The following LTBP3 variants were observed in gnomAD, a reference collection of about 807,000 sequenced individuals.
LTBP3 encodes the protein latent-transforming growth factor beta-binding protein 3.
LTBP3 carries 97 observed loss-of-function variants against 159.7 expected under a neutral mutation model. The ratio of observed to expected loss-of-function variants is 0.61; its 90% confidence interval spans 0.52 to 0.72. The LOEUF (loss-of-function observed/expected upper bound fraction) is 0.72. LTBP3 is among the 30% of genes least tolerant of loss of function. The probability of loss-of-function intolerance (pLI) is 0.00; values close to 1 mark genes in which losing one functional copy is unlikely to be tolerated. For synonymous variants in LTBP3, 824 were observed against 777.1 expected, an observed-to-expected ratio of 1.06 and a Z score of -1.00; for missense variants, 1,584 against 1,864.3, an observed-to-expected ratio of 0.85 and a Z score of 2.77.
chr11:65,539,595 T>C lies in LTBP3; in HGVS notation c.3581A>G (p.Asn1194Ser). Reference protein sequence around the residue: ...SHCPTSQSESNSFWDTSPLLL... With the variant: ...SHCPTSQSESSSFWDTSPLLL... ...CAGGGGGCTTGTGTCCCAGAAGGAA[T>C]TGCTCTCGCTCTGCGATGTCGGGCA... The change falls in exon 26 of 28, where the codon AAT becomes AGT. Residue 1194 changes from asparagine (N) to serine (S), a missense_variant. Around this residue, in one of 6 missense-constraint regions of LTBP3, gnomAD observed 514 missense variants for 530.3 expected, o/e 0.97. Coordinates refer to ENST00000301873, the MANE Select transcript of LTBP3 (RefSeq NM_001130144.3). 1 of 1,612,730 alleles carries C rather than the reference T, an allele frequency of 6.2e-7. No individual in the cohort carries two copies.
Position 65,547,955 on chromosome 11 carries a change from C to T in LTBP3, c.1811G>A (p.Gly604Asp). Residue 604 changes from glycine to aspartate, a missense_variant, in exon 12 of 28, where the codon GGC becomes GAC. Around this residue, in one of 6 missense-constraint regions of LTBP3, gnomAD observed 565 missense variants for 677.7 expected, o/e 0.83. Coordinates refer to ENST00000301873, the MANE Select transcript of LTBP3 (RefSeq NM_001130144.3). This position sits in a 1 kb window ranked among gnomAD's most constrained non-coding sequence, Gnocchi z 4.6. The stretch of plus-strand genomic sequence containing the variant: ...GCGGTGCTGGGGATGTGACCGGTAG[C>T]CGGGGTTGCAGTGGCAGGAGTAGTC... Reference protein sequence around the residue: ...PPDYSCHCNPGYRSHPQHRYC... With the variant: ...PPDYSCHCNPDYRSHPQHRYC... 1 of 1,613,958 alleles carries T rather than the reference C, an allele frequency of 6.2e-7. No homozygotes were observed. The highest frequency in any genetic ancestry group is 1.7e-5 in the Admixed American group (1 of 60,030).
In LTBP3 at chr11:65,546,798, C is replaced by A; in HGVS notation, c.2230G>T (p.Asp744Tyr). The A allele has an allele frequency of 1.2e-6, 2 of 1,602,798 alleles. No individual in the cohort carries two copies. The highest frequency in any genetic ancestry group is 1.3e-5 in the African/African-American group (1 of 75,022). ...ACTCGGCTCCGGGCCCCGCCCTCAC[C>A]GCGACAGGCCCCGCCCCCCTGGCTG... is the stretch of plus-strand genomic sequence containing the variant. The part of the protein sequence containing the change: ...YRSQGGGACR[D>Y]VNECAEGSPC... Residue 744 changes from aspartate (D) to tyrosine (Y), a missense_variant and splice_region_variant, in exon 15 of 28, where the codon GAC (aspartate) becomes TAC (tyrosine). Asp to Tyr is a radical substitution (Grantham distance 160). Around this residue, in one of 6 missense-constraint regions of LTBP3, gnomAD observed 565 missense variants for 677.7 expected, o/e 0.83. Transcript: ENST00000301873. The surrounding 1 kb of genome is among the most constrained non-coding windows in gnomAD (Gnocchi z 4.0).
Position 65,539,750 on chromosome 11 carries a change from G to A in LTBP3, c.3517C>T (p.Gln1173Ter). The A allele has an allele frequency of 1.9e-6, 3 of 1,545,710 alleles. No homozygotes were observed. Among genetic ancestry groups the A allele is most frequent in the Non-Finnish European group, 2.6e-6 (3 of 1,152,830 alleles). ...CCRQGRGWGA[Q>*]CRPCPPRGAG... Reference sequence around the variant, plus strand: ...CCGCGCGGCGGGCACGGTCGGCATTGGGCGCCCCAGCCGCGGCCCTGGCGG... The same window carrying A: ...CCGCGCGGCGGGCACGGTCGGCATTAGGCGCCCCAGCCGCGGCCCTGGCGG... The change falls in exon 25 of 28, where the codon CAA (glutamine) becomes TAA (stop). Residue 1173 changes from glutamine to a stop codon, truncating the protein, a stop_gained. Transcript: ENST00000301873. LOFTEE classifies it high-confidence loss of function.
Position 65,543,409 on chromosome 11 carries a change from AGCTC to A in LTBP3, c.2476+14_2476+17del. 4.3e-6 allele frequency: 7 copies of A among 1,613,792 alleles called. No individual in the cohort carries two copies. The highest frequency in any genetic ancestry group is 5.9e-6 in the Non-Finnish European group (7 of 1,179,930). On this transcript the variant is annotated intron_variant, in intron 17 of 27. Coordinates refer to ENST00000301873, the MANE Select transcript of LTBP3 (RefSeq NM_001130144.3). ...GTAGGGAGGGACAGGTCAGCACCCC[AGCTC>A]TAAGATCCCTCACCCTCGCAGTGGC...
At chr11:65,550,051 G>A (rs891341279) in intron 11 of LTBP3, among the ~76,000 whole-genome samples, 2 of 152,152 alleles carry the variant, frequency 1.3e-5, no homozygotes, top group East Asian at 1.9e-4. Flanking sequence ...TCCTGTCCTC[G>A]CAGAGCAGAC....
Position 65,553,210 on chromosome 11 carries a change from A to C in LTBP3, c.1017T>G (p.Ala339=). The change falls in exon 5 of 28, where the codon GCT becomes GCG. Residue 339 remains alanine (A), a synonymous_variant. Transcript: ENST00000301873. The surrounding 1 kb of genome is among the most constrained non-coding windows in gnomAD (Gnocchi z 6.5). The part of the protein sequence containing the change: ...KPGPVRGEVG[A]DCPQGYKRLN... ...GCCTCTTGTAGCCCTGGGGACAGTC[A>C]GCGCCCACTTCCCCACGTACAGGCC... 1 of 1,614,130 alleles carries C rather than the reference A, an allele frequency of 6.2e-7. No individual in the cohort carries two copies.
At chr11:65,539,689 C>T in intron 25 of LTBP3, 31 bp downstream of exon 25, 1 of 1,571,592 alleles carries the variant, frequency 6.4e-7, no homozygotes, top group East Asian at 2.4e-5. Context: ...CCCATCCTCG[C>T]TCCCGGCCAA....
Position 65,540,489 on chromosome 11 carries a change from C to G in LTBP3, c.3103G>C (p.Val1035Leu), listed in dbSNP as rs200797100. ...FYYDGNLLEC[V>L]DVDECLDESN... The stretch of plus-strand genomic sequence containing the variant: ...GCCGCCGGGGGGCGGAGCTCACCCA[C>G]GCATTCCAGCAGGTTCCCGTCGTAG... Residue 1035 changes from valine (V) to leucine (L), a missense_variant, in exon 22 of 28, where the codon GTG becomes CTG. Val to Leu is a conservative substitution (Grantham distance 32, BLOSUM62 1). Around this residue, in one of 6 missense-constraint regions of LTBP3, gnomAD observed 514 missense variants for 530.3 expected, o/e 0.97. Coordinates refer to ENST00000301873, the MANE Select transcript of LTBP3 (RefSeq NM_001130144.3). 1.3e-5 allele frequency: 21 copies of G among 1,613,388 alleles called. No homozygotes were observed. The highest frequency in any genetic ancestry group is 1.5e-5 in the Non-Finnish European group (18 of 1,179,866).
At chr11:65,541,757 A>G (rs1263174443) in intron 18 of LTBP3, 29 bp from the exon 19 acceptor site, 1 of 1,613,126 alleles carries the variant, frequency 6.2e-7, no homozygotes, top group Non-Finnish European at 8.5e-7. Flanking sequence ...GCAGCTGGAA[A>G]CCCAGCCCCT....
Position 65,553,044 on chromosome 11 carries a change from C to T in LTBP3, c.1064-62G>A. 2.5e-6 allele frequency: 4 copies of T among 1,612,994 alleles called. No homozygotes were observed. Among genetic ancestry groups the T allele is most frequent in the Non-Finnish European group, 3.4e-6 (4 of 1,179,184 alleles). On this transcript the variant is annotated intron_variant, in intron 5 of 27. Transcript: ENST00000301873. This position sits in a 1 kb window ranked among gnomAD's most constrained non-coding sequence, Gnocchi z 6.5. ...GCCATGGGGTGACAGCAGGCTGCTCCAAGAACCTCAGGGTCTTGCCCCAGC... is the reference window on the plus strand; with the variant it reads ...GCCATGGGGTGACAGCAGGCTGCTCTAAGAACCTCAGGGTCTTGCCCCAGC...
At position 65,540,612 on chromosome 11, in the gene LTBP3, TG is replaced by T; in HGVS notation, c.2979del (p.Asp993GlufsTer19). 1.2e-6 allele frequency: 2 copies of T among 1,601,254 alleles called. No individual in the cohort carries two copies. The highest frequency in any genetic ancestry group is 1.7e-6 in the Non-Finnish European group (2 of 1,173,162). Reference protein sequence around the residue: ...IVNYGIPAHRDIDECMLFGSE... With the variant: ...IVNYGIPAHRXIDECMLFGSE... ...GACCCGAACAACATGCACTCGTCGA[TG>T]TCTGCGGGGTGACAAACACTGGCCG... On this transcript the variant is annotated frameshift_variant and splice_region_variant, in exon 22 of 28. Coordinates refer to ENST00000301873, the MANE Select transcript of LTBP3 (RefSeq NM_001130144.3). LOFTEE classifies it high-confidence loss of function.
In LTBP3 at chr11:65,551,255, C is replaced by G. The variant is rs181803423; in HGVS notation, c.1622-31G>C. The G allele has an allele frequency of 6.3e-5, 96 of 1,533,880 alleles. No individual in the cohort carries two copies. The African/African-American group carries it at 1.3e-3, about 20-fold the overall frequency. ...GGCGGCAGTGCACTCTGGTCAGAGA[C>G]GATATTGACTGAAGCCTCCCTTTCC... On this transcript the variant is annotated intron_variant, in intron 10 of 27. Coordinates refer to ENST00000301873, the MANE Select transcript of LTBP3 (RefSeq NM_001130144.3).
In LTBP3 at chr11:65,552,013, G is replaced by A. The variant is rs1365915737; in HGVS notation, c.1490C>T (p.Pro497Leu). The change falls in exon 8 of 28, where the codon CCT becomes CTT. Residue 497 changes from proline (P) to leucine (L), a missense_variant. By Grantham distance (98) the Pro-to-Leu change is moderately conservative. Around this residue, in one of 6 missense-constraint regions of LTBP3, gnomAD observed 565 missense variants for 677.7 expected, o/e 0.83. Coordinates refer to ENST00000301873, the MANE Select transcript of LTBP3 (RefSeq NM_001130144.3). This position sits in a 1 kb window ranked among gnomAD's most constrained non-coding sequence, Gnocchi z 6.0. ...PPKPQQLPES[P>L]SQAPPPEDTE... ...GTCCTCAGGTGGTGGAGCCTGGCTA[G>A]GGCTCTCCGGAAGCTGCTGGGGCTT... The A allele has an allele frequency of 1.2e-6, 2 of 1,613,918 alleles. No homozygotes were observed. The highest frequency in any genetic ancestry group is 2.7e-5 in the African/African-American group (2 of 74,862).
Position 65,546,426 on chromosome 11 carries a change from G to C in LTBP3, c.2353+16C>G. Reference sequence around the variant, plus strand: ...AGGGGGCGGCGGAGGCCCGGGGCGGGGGTGCTGGCGCTCACCCAAGCAACT... The same window carrying C: ...AGGGGGCGGCGGAGGCCCGGGGCGGCGGTGCTGGCGCTCACCCAAGCAACT... On this transcript the variant is annotated intron_variant, in intron 16 of 27. Coordinates refer to ENST00000301873, the MANE Select transcript of LTBP3 (RefSeq NM_001130144.3). This position sits in a 1 kb window ranked among gnomAD's most constrained non-coding sequence, Gnocchi z 4.0. 1.3e-6 allele frequency: 2 copies of C among 1,535,794 alleles called. No individual in the cohort carries two copies. The highest frequency in any genetic ancestry group is 1.7e-6 in the Non-Finnish European group (2 of 1,147,174).
chr11:65,552,449 T>C lies in LTBP3; in HGVS notation c.1187-43A>G. 1.9e-6 allele frequency: 3 copies of C among 1,605,498 alleles called. No individual in the cohort carries two copies. The highest frequency in any genetic ancestry group is 1.7e-6 in the Non-Finnish European group (2 of 1,178,626). On this transcript the variant is annotated intron_variant, in intron 6 of 27. Transcript: ENST00000301873. The surrounding 1 kb of genome is among the most constrained non-coding windows in gnomAD (Gnocchi z 6.0). ...GGGCATGGGCATCTGAGCCTGCACATTGCCCACGTCCCTCTGCCCAGCTGC... is the reference window on the plus strand; with the variant it reads ...GGGCATGGGCATCTGAGCCTGCACACTGCCCACGTCCCTCTGCCCAGCTGC...
intron 18 of LTBP3, 131 bp from the exon 19 acceptor site, chr11:65,541,859 T>TA: frequency 9.5e-7 from 1 of 1,047,210 alleles, no homozygotes; most frequent in South Asian, 1.4e-5. Context: ...GGAAGTCTGC[T>TA]GTGTCTGTGC....
Position 65,538,873 on chromosome 11 carries a change from C to T in LTBP3, c.*207G>A. 1 of 963,898 alleles carries T rather than the reference C, an allele frequency of 1.0e-6. No homozygotes were observed. Among genetic ancestry groups the T allele is most frequent in the East Asian group, 3.2e-5 (1 of 31,696 alleles). 59.7% of individuals were successfully genotyped at this position (963,898 alleles called of 1,614,324 possible). On this transcript the variant is annotated 3_prime_UTR_variant, in exon 28 of 28. Coordinates refer to ENST00000301873, the MANE Select transcript of LTBP3 (RefSeq NM_001130144.3). ...TAGGAAACACCCTCTGGGAGGAAGG[C>T]AGGCAGCGCCCGCCGGAGACCTTAC...
chr11:65,539,820 A>G lies in LTBP3; in HGVS notation c.3447T>C (p.Ala1149=), dbSNP rs1024395398. Residue 1149 remains alanine (A), a synonymous_variant, in exon 25 of 28, where the codon GCT becomes GCC. Coordinates refer to ENST00000301873, the MANE Select transcript of LTBP3 (RefSeq NM_001130144.3). ...WSQRGEDGMC[A]GPLAGPALTF... is the part of the protein sequence containing the mutation. The stretch of plus-strand genomic sequence containing the variant: ...TGAGGGCAGGCCCGGCCAGGGGGCC[A>G]GCGCACATGCCGTCCTCTCCGCGCT... 5.9e-6 allele frequency: 9 copies of G among 1,531,514 alleles called. No homozygotes were observed. In the African/African-American group the frequency reaches 1.2e-4, roughly 21 times the overall value. The allele number at this position is 1,531,514 out of a possible 1,614,324, so 94.9% of individuals were successfully genotyped here.
intron 16 of LTBP3, chr11:65,545,470 C>T (rs1300055064): frequency 1.3e-5 from 3 of 232,040 alleles, no homozygotes; most frequent in African/African-American, 4.4e-5. Context: ...AACATGCCCA[C>T]GCATGAGGAC....
Sources: allele counts gnomAD v4.1 joint callset (sites outside exome capture counted in the v4.1 genomes callset), GRCh38; gene constraint gnomAD v4.1.1; regional missense constraint gnomAD v4.1.1; non-coding constraint Gnocchi (gnomAD v3.1); transcripts MANE v1.5; gene names NCBI Gene and HGNC (gene_info 2026-07-23, HGNC 2026-07-21).